The following CACHD1 variants were observed in gnomAD, a reference collection of about 807,000 sequenced individuals.
CACHD1 encodes the protein VWFA and cache domain-containing protein 1.
Under a neutral mutation model 138.7 loss-of-function variants are expected in CACHD1, and 71 were observed. The observed-to-expected ratio is 0.51, with a 90% CI of 0.42 to 0.62. CACHD1 has a LOEUF of 0.62. Ranked by LOEUF, CACHD1 falls within the 20% of genes least tolerant of loss-of-function variation. The probability of loss-of-function intolerance (pLI) is 0.00; values close to 1 mark genes in which losing one functional copy is unlikely to be tolerated. For missense variants in CACHD1, 1,389 were observed against 1,625.3 expected (o/e 0.85, Z 2.50); for synonymous variants, 578 against 591.5 (o/e 0.98, Z 0.33).
At chr1:64,539,710 A>C (rs748685180) in intron 1 of CACHD1, among the ~76,000 whole-genome samples, 19 of 152,238 alleles carry the variant, frequency 1.2e-4, no homozygotes, top group Non-Finnish European at 2.5e-4. Flanking sequence ...GGGTCTAAAC[A>C]GTACCTGGCC....
intron 13 of CACHD1, among the ~76,000 whole-genome samples, chr1:64,662,492 A>G (rs1420814936): frequency 6.6e-6 from 1 of 152,168 alleles, no homozygotes; most frequent in Non-Finnish European, 1.5e-5. Context: ...GCCTCAAGCT[A>G]TTTCTACAGA....
At chr1:64,511,159 A>G (rs1391139916) in intron 1 of CACHD1, among the ~76,000 whole-genome samples, 1 of 152,244 alleles carries the variant, frequency 6.6e-6, no homozygotes, top group African/African-American at 2.4e-5. Flanking sequence ...TAGGTTTGCA[A>G]ATGAAGGAGA....
At chr1:64,595,323 C>T (rs961411059) in intron 3 of CACHD1, among the ~76,000 whole-genome samples, 1 of 152,164 alleles carries the variant, frequency 6.6e-6, no homozygotes, top group Non-Finnish European at 1.5e-5. Context: ...CAGACATTGA[C>T]TAAACTTTTG....
intron 24 of CACHD1, among the ~76,000 whole-genome samples, chr1:64,680,364 C>T (rs1039154856): frequency 6.6e-6 from 1 of 151,908 alleles, no homozygotes; most frequent in Non-Finnish European, 1.5e-5. Flanking sequence ...GGCACCTACC[C>T]GTGGTCTGAG....
intron 4 of CACHD1, 63 bp downstream of exon 4, chr1:64,602,975 A>G: frequency 9.6e-7 from 1 of 1,040,852 alleles, no homozygotes; most frequent in South Asian, 1.4e-5. Flanking sequence ...TTGAATAAAC[A>G]TATTGCTTCA....
intron 1 of CACHD1, among the ~76,000 whole-genome samples, chr1:64,544,630 C>CTTTTTTT (rs34385450): frequency 6.8e-6 from 1 of 146,386 alleles, no homozygotes. Context: ...AGATGTTTGT[C>CTTTTTTT]TTTTTTTTTT....
chr1:64,676,596 T>C (rs1650000723), intron 21 of CACHD1, among the ~76,000 whole-genome samples: 1 of 152,144 alleles, frequency 6.6e-6, no homozygotes, highest in African/African-American at 2.4e-5. Flanking sequence ...TCTACCTCCC[T>C]CGTAGCTGGG....
chr1:64,548,969 G>A lies in CACHD1; in HGVS notation c.199-1625G>A, dbSNP rs565011102. ...TAAGACAATAGAGTTAGGAGCGCCA[G>A]ATCTGAAGTCATATTGCCTGGGTTC... On this transcript the variant is annotated intron_variant, in intron 1 of 26. Coordinates refer to ENST00000651257, the MANE Select transcript of CACHD1 (RefSeq NM_020925.4). 2.0e-5 allele frequency among the ~76,000 whole-genome samples: 3 copies of A among 152,284 alleles called. No individual in the cohort carries two copies. In the South Asian group the frequency reaches 6.2e-4, roughly 32 times the overall value.
chr1:64,641,753 A>G (rs1648721239), intron 7 of CACHD1, 67 bp from the exon 8 acceptor site: 1 of 1,290,750 alleles, frequency 7.7e-7, no homozygotes, highest in Non-Finnish European at 1.0e-6. Flanking sequence ...GGACATGAAC[A>G]GGAAACTGAA....
At chr1:64,559,059 T>C (rs1468601333) in intron 2 of CACHD1, among the ~76,000 whole-genome samples, 1 of 152,166 alleles carries the variant, frequency 6.6e-6, no homozygotes, top group Non-Finnish European at 1.5e-5. Flanking sequence ...GAGTGTAAAT[T>C]AGTTCAACCA....
At chr1:64,484,606 A>G (rs1338782579) in intron 1 of CACHD1, among the ~76,000 whole-genome samples, 2 of 152,186 alleles carry the variant, frequency 1.3e-5, no homozygotes, top group South Asian at 2.1e-4. Context: ...CATCTTCCCA[A>G]ACTCTGTACC....
chr1:64,628,559 AC>A (rs1648193939), intron 4 of CACHD1, among the ~76,000 whole-genome samples: 1 of 152,160 alleles, frequency 6.6e-6, no homozygotes, highest in South Asian at 2.1e-4. Flanking sequence ...GGTGGTTGGC[AC>A]TTGGGCTGAG....
At chr1:64,475,331 A>G (rs1646168997) in intron 1 of CACHD1, among the ~76,000 whole-genome samples, 1 of 151,692 alleles carries the variant, frequency 6.6e-6, no homozygotes, top group Non-Finnish European at 1.5e-5. Context: ...ACACCCTGCT[A>G]ATTTTGTAAT....
chr1:64,606,267 C>CG (rs1647336641), intron 4 of CACHD1, among the ~76,000 whole-genome samples: 1 of 152,054 alleles, frequency 6.6e-6, no homozygotes, highest in East Asian at 1.9e-4. Flanking sequence ...GGTTGGCTGT[C>CG]GGGGGGAGGA....
intron 2 of CACHD1, among the ~76,000 whole-genome samples, chr1:64,580,857 G>GT (rs1647006981): frequency 6.6e-6 from 1 of 152,128 alleles, no homozygotes; most frequent in East Asian, 1.9e-4. Context: ...AAAACCAACA[G>GT]TTGTCTAAAT....
At chr1:64,568,268 A>G (rs1326796520) in intron 2 of CACHD1, among the ~76,000 whole-genome samples, 1 of 152,156 alleles carries the variant, frequency 6.6e-6, no homozygotes, top group Non-Finnish European at 1.5e-5. Flanking sequence ...GTGGGATGAA[A>G]GCGTAACATT....
At chr1:64,531,657 A>G (rs1301410764) in intron 1 of CACHD1, among the ~76,000 whole-genome samples, 1 of 152,164 alleles carries the variant, frequency 6.6e-6, no homozygotes, top group East Asian at 1.9e-4. Flanking sequence ...ATATCTACCT[A>G]CAGATGTGTT....
intron 1 of CACHD1, among the ~76,000 whole-genome samples, chr1:64,526,986 G>A (rs1646544336): frequency 6.6e-6 from 1 of 152,198 alleles, no homozygotes; most frequent in Admixed American, 6.5e-5. Context: ...CAGACGCTTA[G>A]TATACGTTTG....
intron 7 of CACHD1, among the ~76,000 whole-genome samples, chr1:64,636,266 A>G (rs1323628949): frequency 1.3e-5 from 2 of 152,216 alleles, no homozygotes; most frequent in Non-Finnish European, 2.9e-5. Context: ...CTCGCACATA[A>G]TGGATCCTCA....
Sources: gnomAD v4.1 joint callset for allele counts (sites outside exome capture counted in the v4.1 genomes callset) on GRCh38, gnomAD v4.1.1 for gene constraint, MANE v1.5 for transcripts, NCBI Gene and HGNC (gene_info 2026-07-23, HGNC 2026-07-21) for gene names.